The following CDH23 variants were observed in gnomAD, a reference collection of about 807,000 sequenced individuals.
The protein encoded by CDH23 is cadherin-23.
A neutral mutation model predicts 317.1 loss-of-function variants in CDH23; 189 were observed. The observed-to-expected ratio is 0.60, with a 90% CI of 0.53 to 0.67. The LOEUF (loss-of-function observed/expected upper bound fraction) is 0.67. Ranked by LOEUF, CDH23 falls within the 30% of genes least tolerant of loss-of-function variation. The probability of loss-of-function intolerance (pLI) is 0.00; values close to 1 mark genes in which losing one functional copy is unlikely to be tolerated. For synonymous variants in CDH23, 1,839 were observed against 1,876.8 expected, an observed-to-expected ratio of 0.98 and a Z score of 0.52; for missense variants, 4,401 against 4,592.4, an observed-to-expected ratio of 0.96 and a Z score of 1.20.
chr10:71,606,825 A>G (rs183234943), intron 9 of CDH23, among the ~76,000 whole-genome samples: 1 of 152,266 alleles, frequency 6.6e-6, no homozygotes, highest in Admixed American at 6.5e-5. Context: ...CACAGAAGAG[A>G]CCTGCAGGAA....
At chr10:71,494,891 G>A (rs1852873685) in intron 3 of CDH23, among the ~76,000 whole-genome samples, 3 of 152,146 alleles carry the variant, frequency 2.0e-5, no homozygotes, top group Admixed American at 6.5e-5. Context: ...CCCTGTAACT[G>A]CCTGCCCACC....
Position 71,541,245 on chromosome 10 carries a change from G to A in CDH23, c.430-25497G>A, listed in dbSNP as rs148471908. 9.5e-4 allele frequency among the ~76,000 whole-genome samples: 144 copies of A among 152,268 alleles called. 2 individuals carry two copies. In the East Asian group the frequency reaches 0.025, roughly 26 times the overall value. On this transcript the variant is annotated intron_variant, in intron 6 of 69. Coordinates refer to ENST00000224721, the MANE Select transcript of CDH23 (RefSeq NM_022124.6). Reference sequence around the variant, plus strand: ...GGTATGCCAAGGCCCAGTTTGGGGTGGATAAATAGCTGTGCTGTCATTTTC... The same window carrying A: ...GGTATGCCAAGGCCCAGTTTGGGGTAGATAAATAGCTGTGCTGTCATTTTC...
At chr10:71,728,196 C>T (rs950894568) in intron 30 of CDH23, among the ~76,000 whole-genome samples, 90 of 152,254 alleles carry the variant, frequency 5.9e-4, no homozygotes, top group African/African-American at 2.1e-3. Flanking sequence ...AACTCCCCCC[C>T]GCACCCACCC....
At position 71,739,641 on chromosome 10, in the gene CDH23, C is replaced by A. The variant is rs1343508697; in HGVS notation, c.4360-3C>A. ...CACCCCTCACCCTCTCTTCTCCCCA[C>A]AGGTGGTCTTCTCCCTGGCCTCTGG... On this transcript the variant is annotated splice_region_variant and splice_polypyrimidine_tract_variant and intron_variant, in intron 35 of 69. Transcript: ENST00000224721. 1.2e-6 allele frequency: 2 copies of A among 1,612,674 alleles called. No individual in the cohort carries two copies. The highest frequency in any genetic ancestry group is 2.2e-5 in the East Asian group (1 of 44,826).
rs764521186 is a variant in CDH23, at chr10:71,577,963, C to T, written c.803C>T (p.Pro268Leu). The T allele has an allele frequency of 1.9e-6, 3 of 1,604,480 alleles. No individual in the cohort carries two copies. Among genetic ancestry groups the T allele is most frequent in the African/African-American group, 1.3e-5 (1 of 74,778 alleles). The change falls in exon 9 of 70, where the codon CCC (proline) becomes CTC (leucine). Residue 268 changes from proline (P) to leucine (L), a missense_variant. Physicochemically the swap from Pro to Leu is moderately conservative, Grantham distance 98. Coordinates refer to ENST00000224721, the MANE Select transcript of CDH23 (RefSeq NM_022124.6). Reference sequence around the variant, plus strand: ...GCCATAGACCAGGATAAAGGACGTCCCCGGGGCATTGGCTACACCATCGTT... The same window carrying T: ...GCCATAGACCAGGATAAAGGACGTCTCCGGGGCATTGGCTACACCATCGTT... ...ITAIDQDKGR[P>L]RGIGYTIVSG... is the part of the protein sequence containing the mutation.
intron 38 of CDH23, among the ~76,000 whole-genome samples, chr10:71,766,774 G>A (rs553449877): frequency 1.5e-3 from 224 of 152,300 alleles, no homozygotes; most frequent in African/African-American, 4.8e-3. Context: ...AGTGCTGTGT[G>A]ACTGAGCTGA....
At chr10:71,410,426 C>CTGGGA in intron 1 of CDH23, among the ~76,000 whole-genome samples, 1 of 152,162 alleles carries the variant, frequency 6.6e-6, no homozygotes, top group Non-Finnish European at 1.5e-5. Context: ...CTATGCCCAC[C>CTGGGA]AGCACTGTGC....
intron 1 of CDH23, among the ~76,000 whole-genome samples, chr10:71,400,061 G>GA (rs1233874460): frequency 6.6e-6 from 1 of 152,190 alleles, no homozygotes; most frequent in African/African-American, 2.4e-5. Flanking sequence ...GGAAGATACT[G>GA]ACCAAGCTCT....
chr10:71,725,566 A>G, intron 30 of CDH23, 46 bp downstream of exon 30: 3 of 1,588,656 alleles, frequency 1.9e-6, no homozygotes, highest in East Asian at 2.3e-5. Flanking sequence ...GACGGGGCCA[A>G]GCCCACAGCT....
chr10:71,437,559 C>T (rs535141866), intron 1 of CDH23, among the ~76,000 whole-genome samples: 5 of 152,208 alleles, frequency 3.3e-5, no homozygotes, highest in Non-Finnish European at 5.9e-5. Context: ...TCAAAGTAAA[C>T]AGTAGCCTCA....
At chr10:71,791,373 G>A (rs769943593) in intron 47 of CDH23, 38 bp downstream of exon 47, 2 of 1,576,938 alleles carry the variant, frequency 1.3e-6, no homozygotes, top group South Asian at 2.3e-5. Context: ...CACAACCAGG[G>A]GCCGGTTGGT....
chr10:71,716,235 G>A, intron 28 of CDH23: 1 of 1,550,346 alleles, frequency 6.5e-7, no homozygotes. Context: ...ATGGGGAGGG[G>A]GTCAGTTGCC....
At chr10:71,768,308 C>T (rs966820714) in intron 38 of CDH23, among the ~76,000 whole-genome samples, 18 of 152,018 alleles carry the variant, frequency 1.2e-4, no homozygotes, top group African/African-American at 4.1e-4. Context: ...GTAGCTGGGA[C>T]TACAGGCACC....
intron 14 of CDH23, chr10:71,646,945 A>C (rs1862922594): frequency 3.3e-5 from 33 of 985,288 alleles, no homozygotes; most frequent in Non-Finnish European, 4.0e-5. Context: ...GGAAGGTGCC[A>C]GCCATCCTTG....
intron 6 of CDH23, among the ~76,000 whole-genome samples, chr10:71,531,520 A>T (rs1855374439): frequency 6.6e-6 from 1 of 152,164 alleles, no homozygotes. Context: ...CTTTGCCTGC[A>T]CAAGTAGTAG....
chr10:71,458,797 T>C (rs1348215594), intron 3 of CDH23, among the ~76,000 whole-genome samples: 2 of 152,190 alleles, frequency 1.3e-5, no homozygotes, highest in Non-Finnish European at 2.9e-5. Context: ...TTGTTTTGTT[T>C]TTGTTTTTGA....
chr10:71,468,543 T>C (rs1425973356), intron 3 of CDH23, among the ~76,000 whole-genome samples: 2 of 152,198 alleles, frequency 1.3e-5, no homozygotes, highest in African/African-American at 4.8e-5. Context: ...GCCATCCTGT[T>C]GTACAGCTCC....
At chr10:71,807,247 C>A (rs1841758101) in intron 57 of CDH23, 30 bp from the exon 58 acceptor site, 1 of 1,609,464 alleles carries the variant, frequency 6.2e-7, no homozygotes. Context: ...TCCCTTGGCC[C>A]CATGTGATGA....
intron 28 of CDH23, chr10:71,713,090 C>T: frequency 1.3e-6 from 1 of 761,848 alleles, no homozygotes; most frequent in Non-Finnish European, 2.4e-6. Context: ...CCGCCCCACC[C>T]AGAAGGGCCT....
Sources: allele counts gnomAD v4.1 joint callset (sites outside exome capture counted in the v4.1 genomes callset), GRCh38; gene constraint gnomAD v4.1.1; transcripts MANE v1.5; gene names NCBI Gene and HGNC (gene_info 2026-07-23, HGNC 2026-07-21).